BRAF: variants seen among roughly 807,000 people sequenced by gnomAD.
BRAF encodes serine/threonine-protein kinase B-raf.
A neutral mutation model predicts 104.6 loss-of-function variants in BRAF; 16 were observed. That is an observed-to-expected ratio of 0.15 (90% confidence interval 0.10 to 0.23). The LOEUF is 0.23. Ranked by LOEUF, BRAF falls within the 10% of genes least tolerant of loss-of-function variation. The pLI is 1.00. For missense variants in BRAF, 541 were observed against 937.3 expected (o/e 0.58, Z 5.52); for synonymous variants, 310 against 341.6 (o/e 0.91, Z 1.02).
At position 140,724,045 on chromosome 7, in the gene BRAF, G is replaced by A; in HGVS notation, c.*2449C>T. 1 of 1,047,394 alleles carries A rather than the reference G, an allele frequency of 9.5e-7. No individual in the cohort carries two copies. Among genetic ancestry groups the A allele is most frequent in the Non-Finnish European group, 1.2e-6 (1 of 868,084 alleles). The allele number at this position is 1,047,394 out of a possible 1,614,324, so 64.9% of individuals were successfully genotyped here. A position where few individuals can be genotyped will look rare whatever the true frequency, so the allele number is the denominator to read the frequency against. Reference sequence around the variant, plus strand: ...ATCTATAAAAATCTCAATATGCTAAGCCTGGCTCCTGGGCACAGCTTCATT... The same window carrying A: ...ATCTATAAAAATCTCAATATGCTAAACCTGGCTCCTGGGCACAGCTTCATT... On this transcript the variant is annotated 3_prime_UTR_variant, in exon 20 of 20. Transcript: ENST00000644969.
intron 14 of BRAF, among the ~76,000 whole-genome samples, chr7:140,769,440 C>T (rs185917510): frequency 1.2e-4 from 19 of 152,234 alleles, no homozygotes; most frequent in Non-Finnish European, 1.9e-4. Context: ...GTTACTTGAT[C>T]TTTGCTTTCT....
chr7:140,901,303 T>C (rs73502743), intron 1 of BRAF, among the ~76,000 whole-genome samples: 23 of 152,326 alleles, frequency 1.5e-4, no homozygotes, highest in Non-Finnish European at 2.8e-4. Flanking sequence ...AAACCCTAGA[T>C]ACCACTACAA....
intron 3 of BRAF, among the ~76,000 whole-genome samples, chr7:140,817,652 G>A (rs1463851283): frequency 6.6e-6 from 1 of 152,066 alleles, no homozygotes; most frequent in Non-Finnish European, 1.5e-5. Flanking sequence ...CATCTACAGT[G>A]AACTCATTTT....
chr7:140,820,610 C>T (rs1255716394), intron 3 of BRAF, among the ~76,000 whole-genome samples: 1 of 152,148 alleles, frequency 6.6e-6, no homozygotes, highest in Non-Finnish European at 1.5e-5. Flanking sequence ...CCCATCCCTC[C>T]AATAACCCCA....
At chr7:140,908,989 CTTTTTT>C (rs1224922004) in intron 1 of BRAF, among the ~76,000 whole-genome samples, 1 of 120,186 alleles carries the variant, frequency 8.3e-6, no homozygotes, top group Non-Finnish European at 1.8e-5. Flanking sequence ...TCTACGTTTT[CTTTTTT>C]TTTTTTTTTT....
Position 140,924,517 on chromosome 7 carries a change from G to A in BRAF, c.138+49C>T, listed in dbSNP as rs2129152992. ...CTCTTTCCAAAATAAACACCAGCCA[G>A]CCGCCGAGCCCGGAGTCGGGAGGGC... On this transcript the variant is annotated intron_variant, in intron 1 of 19. Transcript: ENST00000644969. This position sits in a 1 kb window ranked among gnomAD's most constrained non-coding sequence, Gnocchi z 4.2. The A allele has an allele frequency of 6.5e-7, 1 of 1,532,504 alleles. No individual in the cohort carries two copies. Among genetic ancestry groups the A allele is most frequent in the Middle Eastern group, 2.0e-4 (1 of 5,082 alleles). 94.9% of individuals were successfully genotyped at this position (1,532,504 alleles called of 1,614,324 possible). A position where few individuals can be genotyped will look rare whatever the true frequency, so the allele number is the denominator to read the frequency against.
intron 1 of BRAF, among the ~76,000 whole-genome samples, chr7:140,911,461 G>A (rs1816966571): frequency 6.6e-6 from 1 of 152,096 alleles, no homozygotes; most frequent in Admixed American, 6.5e-5. Context: ...CCCACAATAC[G>A]ATATAGTGAG....
chr7:140,774,126 TA>T (rs1413051250), intron 14 of BRAF, among the ~76,000 whole-genome samples: 2 of 152,216 alleles, frequency 1.3e-5, no homozygotes, highest in Non-Finnish European at 1.5e-5. Context: ...AAAGAAACTA[TA>T]TCCTCCTTGG....
intron 1 of BRAF, among the ~76,000 whole-genome samples, chr7:140,881,419 C>T (rs1812903315): frequency 6.6e-6 from 1 of 152,136 alleles, no homozygotes; most frequent in African/African-American, 2.4e-5. Flanking sequence ...TTTTGCTTGC[C>T]TGCTTTTTAA....
chr7:140,886,962 C>T (rs1402447379), intron 1 of BRAF, among the ~76,000 whole-genome samples: 1 of 152,088 alleles, frequency 6.6e-6, no homozygotes, highest in Admixed American at 6.6e-5. Context: ...CAGAGAGGTA[C>T]TGGAGGCAGG....
At chr7:140,753,064 G>A (rs556972547) in intron 16 of BRAF, among the ~76,000 whole-genome samples, 2 of 151,486 alleles carry the variant, frequency 1.3e-5, no homozygotes, top group South Asian at 4.2e-4. Flanking sequence ...ATTTTTGTTT[G>A]AAATACACTG....
intron 14 of BRAF, among the ~76,000 whole-genome samples, chr7:140,764,827 T>C (rs1411761608): frequency 2.0e-5 from 3 of 152,258 alleles, no homozygotes; most frequent in African/African-American, 7.2e-5. Context: ...GAACATTCCA[T>C]GCTCATGGGT....
chr7:140,713,416 T>A, the BRAF span, among the ~76,000 whole-genome samples: 2 of 152,224 alleles, frequency 1.3e-5, no homozygotes, highest in African/African-American at 4.8e-5. Flanking sequence ...CTACTGAGGC[T>A]TCTGCATTCG....
intron 1 of BRAF, among the ~76,000 whole-genome samples, chr7:140,864,060 T>C (rs1810685104): frequency 6.6e-6 from 1 of 152,196 alleles, no homozygotes; most frequent in African/African-American, 2.4e-5. Flanking sequence ...GCAGTATATA[T>C]TATAGTACCT....
At chr7:140,785,999 T>C (rs926086535) in intron 9 of BRAF, among the ~76,000 whole-genome samples, 1 of 152,218 alleles carries the variant, frequency 6.6e-6, no homozygotes, top group African/African-American at 2.4e-5. Context: ...GGACAAGAAA[T>C]GCCACTTGCT....
At chr7:140,896,791 G>A (rs903612165) in intron 1 of BRAF, among the ~76,000 whole-genome samples, 2 of 149,172 alleles carry the variant, frequency 1.3e-5, no homozygotes, top group African/African-American at 2.5e-5. Context: ...TTGAACATGG[G>A]AGGCAGAGAC....
intron 14 of BRAF, among the ~76,000 whole-genome samples, chr7:140,761,843 C>G (rs1798771661): frequency 6.6e-6 from 1 of 152,146 alleles, no homozygotes; most frequent in Admixed American, 6.5e-5. Flanking sequence ...AGCTAACTAT[C>G]CTAAATATAT....
intron 7 of BRAF, among the ~76,000 whole-genome samples, chr7:140,798,256 T>A (rs1483804445): frequency 7.4e-6 from 1 of 135,876 alleles, no homozygotes; most frequent in African/African-American, 3.0e-5. Context: ...GAATGCTGTA[T>A]GGGGACTTTT....
intron 3 of BRAF, among the ~76,000 whole-genome samples, chr7:140,820,904 T>C (rs1271666892): frequency 1.3e-5 from 2 of 152,190 alleles, no homozygotes; most frequent in Admixed American, 6.5e-5. Context: ...CTGCACTCCA[T>C]TCTGGGCAAG....
Sources: gnomAD v4.1 joint callset for allele counts (sites outside exome capture counted in the v4.1 genomes callset) on GRCh38, gnomAD v4.1.1 for gene constraint, Gnocchi (gnomAD v3.1) non-coding constraint, MANE v1.5 for transcripts, NCBI Gene and HGNC (gene_info 2026-07-23, HGNC 2026-07-21) for gene names.